The following ZNF362 variants were observed in gnomAD, a reference collection of about 807,000 sequenced individuals.
ZNF362 encodes rotund homolog.
Under a neutral mutation model 42.9 loss-of-function variants are expected in ZNF362, and 11 were observed. That is an observed-to-expected ratio of 0.26 (90% confidence interval 0.16 to 0.42). ZNF362 has a LOEUF of 0.42. ZNF362 is among the 20% of genes least tolerant of loss of function. The pLI, the probability that ZNF362 is intolerant of heterozygous loss-of-function variation, is 1.00. For missense variants in ZNF362, 362 were observed against 576.2 expected (o/e 0.63, Z 3.81); for synonymous variants, 255 against 257.3 (o/e 0.99, Z 0.09).
the ZNF362 span, among the ~76,000 whole-genome samples, chr1:33,157,908 C>A: frequency 6.6e-6 from 1 of 152,154 alleles, no homozygotes; most frequent in Non-Finnish European, 1.5e-5. Flanking sequence ...AGGTGCACGC[C>A]ACCATGCCCA....
At chr1:33,267,871 T>G (rs1018554124) in intron 1 of ZNF362, among the ~76,000 whole-genome samples, 10 of 152,190 alleles carry the variant, frequency 6.6e-5, no homozygotes, top group African/African-American at 2.4e-4. Context: ...TGACCAAGAA[T>G]GGGATCACTA....
chr1:33,243,682 C>T, the ZNF362 span, among the ~76,000 whole-genome samples: 3 of 151,712 alleles, frequency 2.0e-5, no homozygotes, highest in Admixed American at 1.3e-4. Context: ...CTGCAAGCTC[C>T]GCCTCCCAGG....
chr1:33,175,189 C>T, the ZNF362 span, among the ~76,000 whole-genome samples: 2 of 150,354 alleles, frequency 1.3e-5, no homozygotes, highest in Non-Finnish European at 2.9e-5. Flanking sequence ...TAGGTGTGTG[C>T]CACGAATGCC....
At chr1:33,217,945 CATACAAAT>C in the ZNF362 span, among the ~76,000 whole-genome samples, 3 of 152,166 alleles carry the variant, frequency 2.0e-5, no homozygotes, top group Non-Finnish European at 4.4e-5. Context: ...TACATACTCA[CATACAAAT>C]ATACAATTTA....
At chr1:33,172,027 C>T in the ZNF362 span, among the ~76,000 whole-genome samples, 1 of 152,154 alleles carries the variant, frequency 6.6e-6, no homozygotes, top group South Asian at 2.1e-4. Context: ...AGTGATCTGC[C>T]TACCTTGGCC....
intron 2 of ZNF362, among the ~76,000 whole-genome samples, chr1:33,275,701 G>C (rs1050404281): frequency 1.3e-5 from 2 of 152,196 alleles, no homozygotes; most frequent in African/African-American, 2.4e-5. Flanking sequence ...ATTTGCTGCA[G>C]TCCTCCCCAG....
chr1:33,189,709 G>GTATATATATATATATATATATATATA, the ZNF362 span, among the ~76,000 whole-genome samples: 1 of 12,446 alleles, frequency 8.0e-5, no homozygotes, highest in African/African-American at 4.6e-4. Context: ...ACATATATAC[G>GTATATATATATATATATATATATATA]TATATATATA....
At chr1:33,282,289 C>G (rs1646001084) in intron 6 of ZNF362, among the ~76,000 whole-genome samples, 1 of 152,206 alleles carries the variant, frequency 6.6e-6, no homozygotes, top group Admixed American at 6.5e-5. Flanking sequence ...TTCCATATCC[C>G]CAGTTTGTGG....
the ZNF362 span, chr1:33,146,800 C>T: frequency 1.4e-5 from 4 of 281,082 alleles, no homozygotes; most frequent in South Asian, 1.8e-4. Flanking sequence ...GTCTTTCGGG[C>T]TGCCAACTAC....
chr1:33,215,686 A>T, the ZNF362 span, among the ~76,000 whole-genome samples: 1 of 152,282 alleles, frequency 6.6e-6, no homozygotes, highest in African/African-American at 2.4e-5. Flanking sequence ...AAATCAATAT[A>T]AAAATTCTGT....
the ZNF362 span, among the ~76,000 whole-genome samples, chr1:33,184,941 T>A: frequency 6.6e-6 from 1 of 151,642 alleles, no homozygotes; most frequent in East Asian, 2.0e-4. Flanking sequence ...CCACCATGCC[T>A]GGCTAATTTT....
the ZNF362 span, chr1:33,181,098 A>C: frequency 1.3e-6 from 2 of 1,599,776 alleles, no homozygotes; most frequent in East Asian, 4.5e-5. This position sits in a 1 kb window ranked among gnomAD's most constrained non-coding sequence, Gnocchi z 6.5. Context: ...GTCGCAGAAG[A>C]AGCAGAGAAG....
At chr1:33,139,355 C>T in the ZNF362 span, among the ~76,000 whole-genome samples, 3 of 152,304 alleles carry the variant, frequency 2.0e-5, no homozygotes, top group African/African-American at 7.2e-5. Flanking sequence ...CATTTTCTGA[C>T]ATTCTCTCTG....
chr1:33,193,702 A>G, the ZNF362 span, among the ~76,000 whole-genome samples: 1 of 152,216 alleles, frequency 6.6e-6, no homozygotes, highest in African/African-American at 2.4e-5. Flanking sequence ...TGGCTAACAC[A>G]AAGGGGGATT....
the ZNF362 span, among the ~76,000 whole-genome samples, chr1:33,175,385 C>G: frequency 6.6e-6 from 1 of 152,098 alleles, no homozygotes; most frequent in Non-Finnish European, 1.5e-5. Flanking sequence ...CAGAACTCAC[C>G]TCCAAATCTG....
At chr1:33,265,137 C>T (rs1645856650) in intron 1 of ZNF362, among the ~76,000 whole-genome samples, 1 of 151,522 alleles carries the variant, frequency 6.6e-6, no homozygotes, top group South Asian at 2.1e-4. Context: ...AGCTGGGGGT[C>T]CCCAGGAGAA....
chr1:33,265,481 C>T (rs1645859196), intron 1 of ZNF362, among the ~76,000 whole-genome samples: 1 of 152,044 alleles, frequency 6.6e-6, no homozygotes, highest in South Asian at 2.1e-4. Context: ...TAATTGGATC[C>T]AGGACCCTGG....
chr1:33,217,933 A>G, the ZNF362 span, among the ~76,000 whole-genome samples: 1 of 152,184 alleles, frequency 6.6e-6, no homozygotes, highest in East Asian at 1.9e-4. Flanking sequence ...TTTTACTTTG[A>G]TTACATACTC....
At chr1:33,183,576 CTT>C in the ZNF362 span, among the ~76,000 whole-genome samples, 1 of 152,150 alleles carries the variant, frequency 6.6e-6, no homozygotes, top group African/African-American at 2.4e-5. Flanking sequence ...TGGAGTGAGT[CTT>C]GTTTGGTCCA....
Sources: allele counts gnomAD v4.1 joint callset (sites outside exome capture counted in the v4.1 genomes callset), GRCh38; gene constraint gnomAD v4.1.1; non-coding constraint Gnocchi (gnomAD v3.1); transcripts MANE v1.5; gene names NCBI Gene and HGNC (gene_info 2026-07-23, HGNC 2026-07-21).